The following NHLRC2 variants were observed in gnomAD, a reference collection of about 807,000 sequenced individuals.
NHLRC2 encodes NHL repeat containing 2, also known as NHL repeat-containing protein 2.
A neutral mutation model predicts 68.1 loss-of-function variants in NHLRC2; 33 were observed. The observed-to-expected ratio is 0.48, with a 90% CI of 0.37 to 0.65. The LOEUF (loss-of-function observed/expected upper bound fraction) is 0.65. NHLRC2 is among the 30% of genes least tolerant of loss of function. The pLI, the probability that NHLRC2 is intolerant of heterozygous loss-of-function variation, is 0.00. For missense variants in NHLRC2, 761 were observed against 853.8 expected (o/e 0.89, Z 1.35); for synonymous variants, 311 against 309.6 (o/e 1.00, Z -0.05).
Position 113,856,810 on chromosome 10 carries a change from A to C in NHLRC2, c.179-1718A>C, listed in dbSNP as rs182849696. Among the ~76,000 whole-genome samples, 13 of 152,376 alleles carry C rather than the reference A, an allele frequency of 8.5e-5. No homozygotes were observed. The East Asian group carries it at 2.3e-3, about 27-fold the overall frequency. On this transcript the variant is annotated intron_variant, in intron 1 of 10. Coordinates refer to ENST00000369301, the MANE Select transcript of NHLRC2 (RefSeq NM_198514.4). Reference sequence around the variant, plus strand: ...CTGTTTTCTTGGTTTCTTTAGCAGTAAACTATAATCAGGAAGTCATAAACA... The same window carrying C: ...CTGTTTTCTTGGTTTCTTTAGCAGTCAACTATAATCAGGAAGTCATAAACA...
At chr10:113,858,911 C>T (rs577143847) in intron 2 of NHLRC2, 5 of 349,380 alleles carry the variant, frequency 1.4e-5, no homozygotes, top group East Asian at 8.7e-5. Flanking sequence ...TTTTTCTCTG[C>T]GGATAGGGGC....
chr10:113,859,054 T>C (rs929824192), intron 2 of NHLRC2, among the ~76,000 whole-genome samples: 1 of 152,146 alleles, frequency 6.6e-6, no homozygotes, highest in East Asian at 1.9e-4. Flanking sequence ...GATACAAAGG[T>C]TTAAAGTTCT....
At position 113,876,157 on chromosome 10, in the gene NHLRC2, G is replaced by A. The variant is rs115257769; in HGVS notation, c.332-364G>A. ...AACAATAAATACCTCCCAAAAGCAGGCATAGTCAACTCTGAATTTCAAAGG... is the reference window on the plus strand; with the variant it reads ...AACAATAAATACCTCCCAAAAGCAGACATAGTCAACTCTGAATTTCAAAGG... On this transcript the variant is annotated intron_variant, in intron 2 of 10. Coordinates refer to ENST00000369301, the MANE Select transcript of NHLRC2 (RefSeq NM_198514.4). 2.7e-3 allele frequency among the ~76,000 whole-genome samples: 412 copies of A among 150,668 alleles called. 4 individuals carry two copies. Among genetic ancestry groups the A allele is most frequent in the African/African-American group, 9.6e-3 (396 of 41,210 alleles).
chr10:113,863,241 A>G (rs1386661446), intron 2 of NHLRC2, among the ~76,000 whole-genome samples: 1 of 152,048 alleles, frequency 6.6e-6, no homozygotes, highest in Admixed American at 6.6e-5. Context: ...ATTTCAATAG[A>G]TTTTTTTTAA....
At chr10:113,872,792 G>GA (rs1297000480) in intron 2 of NHLRC2, among the ~76,000 whole-genome samples, 9 of 147,686 alleles carry the variant, frequency 6.1e-5, no homozygotes, top group African/African-American at 2.0e-4. Flanking sequence ...AAGGTTTAGA[G>GA]AAAAAAATGA....
intron 4 of NHLRC2, among the ~76,000 whole-genome samples, chr10:113,882,577 A>G (rs1846044831): frequency 1.3e-5 from 2 of 151,708 alleles, no homozygotes; most frequent in African/African-American, 4.8e-5. Context: ...AATCCTTTGT[A>G]TATTCTAGGT....
Position 113,904,513 on chromosome 10 carries a change from T to C in NHLRC2, c.1705-304T>C, listed in dbSNP as rs117638656. Among the ~76,000 whole-genome samples the C allele has an allele frequency of 2.3e-3, 348 of 152,302 alleles. 1 individual carries two copies. Among genetic ancestry groups the C allele is most frequent in the Non-Finnish European group, 4.5e-3 (304 of 68,010 alleles). On this transcript the variant is annotated intron_variant, in intron 9 of 10. Transcript: ENST00000369301. ...ACAATGAAAATTATAAGAAAATGTATATCTAGCATGTTTAAATTTATAAAC... is the reference window on the plus strand; with the variant it reads ...ACAATGAAAATTATAAGAAAATGTACATCTAGCATGTTTAAATTTATAAAC...
In NHLRC2 at chr10:113,902,498, G is replaced by A; in HGVS notation, c.1399G>A (p.Gly467Arg). ...TTTATTTGCTTTTGGTGATGTTGATGGAGTAGGAATCAATGCAAAGCTTCA... is the reference window on the plus strand; with the variant it reads ...TTTATTTGCTTTTGGTGATGTTGATAGAGTAGGAATCAATGCAAAGCTTCA... ...MNLFAFGDVD[G>R]VGINAKLQHP... Residue 467 changes from glycine (G) to arginine (R), a missense_variant, in exon 8 of 11, where the codon GGA becomes AGA. Coordinates refer to ENST00000369301, the MANE Select transcript of NHLRC2 (RefSeq NM_198514.4). 1 of 1,583,132 alleles carries A rather than the reference G, an allele frequency of 6.3e-7. No individual in the cohort carries two copies. The highest frequency in any genetic ancestry group is 8.6e-7 in the Non-Finnish European group (1 of 1,166,832).
intron 2 of NHLRC2, among the ~76,000 whole-genome samples, chr10:113,859,223 G>C (rs1003311374): frequency 1.1e-4 from 17 of 152,002 alleles, no homozygotes; most frequent in Non-Finnish European, 2.1e-4. Context: ...CATTTTTATG[G>C]TATTACAAAT....
chr10:113,897,178 A>G (rs1456022153), intron 5 of NHLRC2, among the ~76,000 whole-genome samples: 4 of 152,130 alleles, frequency 2.6e-5, no homozygotes, highest in African/African-American at 7.2e-5. Context: ...ATCATTGACT[A>G]TGCAGGAACA....
At chr10:113,886,235 G>A (rs185007627) in intron 5 of NHLRC2, among the ~76,000 whole-genome samples, 4 of 152,200 alleles carry the variant, frequency 2.6e-5, no homozygotes, top group Admixed American at 6.5e-5. Context: ...GAAATAATTT[G>A]AAGAAGACAA....
In NHLRC2 at chr10:113,854,804, G is replaced by A. The variant is rs1374459259; in HGVS notation, c.-69G>A. The A allele has an allele frequency of 7.3e-7, 1 of 1,363,686 alleles. No individual in the cohort carries two copies. The highest frequency in any genetic ancestry group is 1.5e-5 in the African/African-American group (1 of 68,630). 84.5% of individuals were successfully genotyped at this position (1,363,686 alleles called of 1,614,324 possible). A position where few individuals can be genotyped will look rare whatever the true frequency, so the allele number is the denominator to read the frequency against. ...CGCCGTTTGGAAACCACAGGACAGTGAACGTTTCGTCTCTCCCAGCGAGAC... is the reference window on the plus strand; with the variant it reads ...CGCCGTTTGGAAACCACAGGACAGTAAACGTTTCGTCTCTCCCAGCGAGAC... On this transcript the variant is annotated 5_prime_UTR_variant, in exon 1 of 11. The change abolishes the stop of an existing upstream ORF in the 5' untranslated region. Coordinates refer to ENST00000369301, the MANE Select transcript of NHLRC2 (RefSeq NM_198514.4).
intron 2 of NHLRC2, among the ~76,000 whole-genome samples, chr10:113,861,800 A>T (rs1238567162): frequency 6.6e-6 from 1 of 152,220 alleles, no homozygotes; most frequent in Non-Finnish European, 1.5e-5. Context: ...TTTGTTTTCT[A>T]CATGATTTAA....
intron 1 of NHLRC2, among the ~76,000 whole-genome samples, chr10:113,857,558 A>G (rs1378854231): frequency 6.6e-6 from 1 of 152,156 alleles, no homozygotes; most frequent in African/African-American, 2.4e-5. Context: ...TTCAGTTGCT[A>G]AAAGCTATTC....
chr10:113,865,043 G>A (rs1188296063), intron 2 of NHLRC2, among the ~76,000 whole-genome samples: 1 of 151,312 alleles, frequency 6.6e-6, no homozygotes, highest in African/African-American at 2.4e-5. Context: ...TCCGCCTCCC[G>A]GGTTCAAGCG....
chr10:113,855,308 G>T (rs1845737003), intron 1 of NHLRC2, among the ~76,000 whole-genome samples: 1 of 152,182 alleles, frequency 6.6e-6, no homozygotes, highest in African/African-American at 2.4e-5. Context: ...CCTGATATTA[G>T]CCAAGTGGAC....
At chr10:113,855,491 G>A (rs1197621082) in intron 1 of NHLRC2, among the ~76,000 whole-genome samples, 4 of 150,060 alleles carry the variant, frequency 2.7e-5, no homozygotes, top group Non-Finnish European at 5.9e-5. Flanking sequence ...TTTTTGATAC[G>A]GAGTCTCGCT....
intron 4 of NHLRC2, among the ~76,000 whole-genome samples, chr10:113,883,816 G>T (rs1846057327): frequency 6.6e-6 from 1 of 151,892 alleles, no homozygotes; most frequent in Non-Finnish European, 1.5e-5. Context: ...CTGGATGGCT[G>T]GTTGGCTTGC....
rs1047868611 is a variant in NHLRC2, at chr10:113,915,806, T to A, written c.*7270T>A. 3.9e-5 allele frequency: 6 copies of A among 152,384 alleles called. No individual in the cohort carries two copies. The highest frequency in any genetic ancestry group is 5.8e-5 in the Non-Finnish European group (4 of 68,444). The allele number at this position is 152,384 out of a possible 1,614,324, so 9.4% of individuals were successfully genotyped here. The stretch of plus-strand genomic sequence containing the variant: ...TGTGTGCCACCACACCTGGCTAATT[T>A]TTTTAAAATTTTTTGTAGAGATGGG... On this transcript the variant is annotated 3_prime_UTR_variant, in exon 11 of 11. Coordinates refer to ENST00000369301, the MANE Select transcript of NHLRC2 (RefSeq NM_198514.4).
Sources: allele counts gnomAD v4.1 joint callset (sites outside exome capture counted in the v4.1 genomes callset), GRCh38; gene constraint gnomAD v4.1.1; transcripts MANE v1.5; gene names NCBI Gene and HGNC (gene_info 2026-07-23, HGNC 2026-07-21).